CERS6: variants seen among roughly 807,000 people sequenced by gnomAD.
CERS6 encodes LAG1 homolog, ceramide synthase 6.
A neutral mutation model predicts 56.8 loss-of-function variants in CERS6; 26 were observed. The observed-to-expected ratio is 0.46, with a 90% CI of 0.34 to 0.63. The LOEUF (loss-of-function observed/expected upper bound fraction) is 0.63. Among genes scored for constraint, CERS6 ranks in the 30% least tolerant of loss-of-function variants. The pLI is 0.01. For synonymous variants in CERS6, 164 were observed against 173.3 expected, an observed-to-expected ratio of 0.95 and a Z score of 0.42; for missense variants, 415 against 467.5, an observed-to-expected ratio of 0.89 and a Z score of 1.04.
At position 168,456,727 on chromosome 2, in the gene CERS6, G is replaced by T; in HGVS notation, c.170+109G>T. 9.4e-7 allele frequency: 1 copy of T among 1,064,970 alleles called. No individual in the cohort carries two copies. The highest frequency in any genetic ancestry group is 1.5e-5 in the South Asian group (1 of 67,494). 66.0% of individuals were successfully genotyped at this position (1,064,970 alleles called of 1,614,324 possible). A position where few individuals can be genotyped will look rare whatever the true frequency, so the allele number is the denominator to read the frequency against. ...CCGCGCCCCCAACGCTCGCGTTCAC[G>T]CCTCCCAACCTTTGTGTTCGGGGAG... On this transcript the variant is annotated intron_variant, in intron 1 of 9. Coordinates refer to ENST00000305747, the MANE Select transcript of CERS6 (RefSeq NM_203463.3). The surrounding 1 kb of genome is among the most constrained non-coding windows in gnomAD (Gnocchi z 4.1).
intron 4 of CERS6, among the ~76,000 whole-genome samples, chr2:168,632,232 T>C (rs894122370): frequency 6.6e-6 from 1 of 152,166 alleles, no homozygotes; most frequent in Non-Finnish European, 1.5e-5. Flanking sequence ...CTCTATAGTA[T>C]TAGCCTCCAA....
chr2:168,768,928 GA>G lies in CERS6; in HGVS notation c.1003-572del, dbSNP rs370783029. Among the ~76,000 whole-genome samples the G allele has an allele frequency of 7.8e-4, 102 of 130,280 alleles. 1 individual carries two copies. Among genetic ancestry groups the G allele is most frequent in the African/African-American group, 2.4e-3 (84 of 35,214 alleles). 85.5% of individuals were successfully genotyped at this position (130,280 alleles called of 152,430 possible). ...TCAAAAAAAAAAAAAAAAAAGAAAA[GA>G]AAAAAAAAATGCTTCCTGCTGTCAT... On this transcript the variant is annotated intron_variant, in intron 9 of 9. Transcript: ENST00000305747.
rs779197751 is a variant in CERS6 at position 168,714,995 on chromosome 2, C to T, written c.610-6C>T. ...CTCTAATATGGATGTTTCTTCTTTC[C>T]TCAAGGACTTTGGCATTATGTTCCT... On this transcript the variant is annotated splice_polypyrimidine_tract_variant and splice_region_variant and intron_variant, in intron 6 of 9. Coordinates refer to ENST00000305747, the MANE Select transcript of CERS6 (RefSeq NM_203463.3). 1.6e-5 allele frequency: 26 copies of T among 1,598,902 alleles called. No homozygotes were observed. The South Asian group carries it at 2.4e-4, about 15-fold the overall frequency.
intron 1 of CERS6, among the ~76,000 whole-genome samples, chr2:168,543,028 A>C (rs537522215): frequency 6.6e-6 from 1 of 152,150 alleles, no homozygotes; most frequent in Non-Finnish European, 1.5e-5. Context: ...CTCTCACCAC[A>C]CTACTGCCCA....
At chr2:168,582,174 A>T (rs1195810893) in intron 3 of CERS6, among the ~76,000 whole-genome samples, 3 of 152,202 alleles carry the variant, frequency 2.0e-5, no homozygotes, top group African/African-American at 7.2e-5. Flanking sequence ...GCACACACTC[A>T]TCCTATGGAT....
intron 9 of CERS6, among the ~76,000 whole-genome samples, chr2:168,768,209 G>A (rs1684769984): frequency 6.6e-6 from 1 of 151,716 alleles, no homozygotes; most frequent in African/African-American, 2.4e-5. Context: ...GGCAGGATGG[G>A]AGCCAGTTTT....
rs187484993 is a variant in CERS6, at chr2:168,480,470, A to G, written c.170+23852A>G. 7.9e-5 allele frequency among the ~76,000 whole-genome samples: 12 copies of G among 152,342 alleles called. No individual in the cohort carries two copies. The South Asian group carries it at 8.3e-4, about 11-fold the overall frequency. On this transcript the variant is annotated intron_variant, in intron 1 of 9. Transcript: ENST00000305747. ...ATTATAAAACCTCTTAATGTTAGAG[A>G]TGAAAAAAACAGACCTAGAGAGTTA...
At chr2:168,679,321 G>A (rs1036255991) in intron 4 of CERS6, among the ~76,000 whole-genome samples, 1 of 152,158 alleles carries the variant, frequency 6.6e-6, no homozygotes, top group Admixed American at 6.5e-5. Context: ...AGGCTTTTGA[G>A]TGGTTTCACC....
chr2:168,656,635 G>T (rs563635973), intron 4 of CERS6, among the ~76,000 whole-genome samples: 3 of 152,098 alleles, frequency 2.0e-5, no homozygotes, highest in Non-Finnish European at 4.4e-5. Flanking sequence ...AGATCTTCGC[G>T]GTGAGTGTCA....
chr2:168,735,685 G>A (rs996329286), intron 8 of CERS6, among the ~76,000 whole-genome samples: 2 of 151,594 alleles, frequency 1.3e-5, no homozygotes, highest in Non-Finnish European at 2.9e-5. Flanking sequence ...AGACCAGCCT[G>A]GGCAACATAG....
intron 8 of CERS6, among the ~76,000 whole-genome samples, chr2:168,724,933 C>T (rs572177579): frequency 7.9e-5 from 12 of 152,314 alleles, no homozygotes; most frequent in South Asian, 4.1e-4. Context: ...TGGGACTGGG[C>T]GCCGTGGAGC....
At chr2:168,664,927 C>A (rs56327514) in intron 4 of CERS6, among the ~76,000 whole-genome samples, 9,751 of 152,300 alleles carry the variant, frequency 0.064, 333 homozygotes, top group Middle Eastern at 0.12. Flanking sequence ...TCACACGCCT[C>A]TGACAGGAAG....
chr2:168,565,275 A>G (rs1409538537), intron 3 of CERS6, among the ~76,000 whole-genome samples: 3 of 152,228 alleles, frequency 2.0e-5, no homozygotes, highest in Admixed American at 6.5e-5. Context: ...GCATTTCGCA[A>G]TCACCTAGTG....
chr2:168,498,201 C>G (rs1465672444), intron 1 of CERS6, among the ~76,000 whole-genome samples: 1 of 152,148 alleles, frequency 6.6e-6, no homozygotes, highest in East Asian at 1.9e-4. Flanking sequence ...TTGATAACCT[C>G]TTTGTCGAAT....
rs1465393606 is a variant in CERS6 at position 168,703,992 on chromosome 2, G to A, written c.609+8941G>A. Among the ~76,000 whole-genome samples the A allele has an allele frequency of 2.0e-5, 3 of 152,164 alleles. No homozygotes were observed. In the East Asian group the frequency reaches 5.8e-4, roughly 29 times the overall value. Reference sequence around the variant, plus strand: ...TGCAAGCCAGTACCATGTGCAGACTGGTGGAAGAACAATAGAACTATTGTC... The same window carrying A: ...TGCAAGCCAGTACCATGTGCAGACTAGTGGAAGAACAATAGAACTATTGTC... On this transcript the variant is annotated intron_variant, in intron 6 of 9. Coordinates refer to ENST00000305747, the MANE Select transcript of CERS6 (RefSeq NM_203463.3).
At chr2:168,566,359 T>C (rs554470167) in intron 3 of CERS6, among the ~76,000 whole-genome samples, 1 of 152,318 alleles carries the variant, frequency 6.6e-6, no homozygotes, top group African/African-American at 2.4e-5. Flanking sequence ...GAATTGATAC[T>C]GATTAAAACT....
intron 1 of CERS6, among the ~76,000 whole-genome samples, chr2:168,477,769 T>C (rs1281277316): frequency 6.6e-6 from 1 of 152,258 alleles, no homozygotes; most frequent in Non-Finnish European, 1.5e-5. Context: ...AAGGAAAGTT[T>C]CTAACAGTAT....
intron 7 of CERS6, among the ~76,000 whole-genome samples, chr2:168,717,624 A>G (rs1687256944): frequency 6.6e-6 from 1 of 152,156 alleles, no homozygotes; most frequent in African/African-American, 2.4e-5. Context: ...GTTGCTGAAT[A>G]TTTTATTAAA....
At position 168,728,963 on chromosome 2, in the gene CERS6, T is replaced by C. The variant is rs549898391; in HGVS notation, c.845+10985T>C. Among the ~76,000 whole-genome samples, 3 of 149,870 alleles carry C rather than the reference T, an allele frequency of 2.0e-5. No homozygotes were observed. In the South Asian group the frequency reaches 6.4e-4, roughly 32 times the overall value. On this transcript the variant is annotated intron_variant, in intron 8 of 9. Coordinates refer to ENST00000305747, the MANE Select transcript of CERS6 (RefSeq NM_203463.3). ...ATGCGGAGGTTGCAGTGAGCCAAGA[T>C]TGTGCCACTGCACTCCAGCCTGGCC...
Sources: allele counts gnomAD v4.1 joint callset (sites outside exome capture counted in the v4.1 genomes callset), GRCh38; gene constraint gnomAD v4.1.1; non-coding constraint Gnocchi (gnomAD v3.1); transcripts MANE v1.5; gene names NCBI Gene and HGNC (gene_info 2026-07-23, HGNC 2026-07-21).